The following OMA1 variants were observed in gnomAD, a reference collection of about 807,000 sequenced individuals.
OMA1 encodes metalloendopeptidase OMA1, mitochondrial.
In OMA1, 38 loss-of-function variants were observed where a neutral mutation model predicts 30.9. The observed-to-expected ratio is 1.23, with a 90% CI of 0.95 to 1.61. The LOEUF is 1.61. OMA1 is among the 40% of genes most tolerant of loss of function. OMA1 has a pLI of 0.00. For synonymous variants in OMA1, 173 were observed against 121.9 expected, an observed-to-expected ratio of 1.42 and a Z score of -2.76; for missense variants, 461 against 349.2, an observed-to-expected ratio of 1.32 and a Z score of -2.55.
intron 7 of OMA1, among the ~76,000 whole-genome samples, chr1:58,521,731 T>C (rs776450128): frequency 3.9e-5 from 6 of 152,260 alleles, no homozygotes; most frequent in Admixed American, 2.0e-4. Flanking sequence ...AAAATCTGAA[T>C]AGTTCTATAT....
At chr1:58,506,741 C>G (rs1049765774) in intron 7 of OMA1, among the ~76,000 whole-genome samples, 1 of 152,098 alleles carries the variant, frequency 6.6e-6, no homozygotes, top group African/African-American at 2.4e-5. Flanking sequence ...TTCTATGCCA[C>G]TAGAACAATC....
At chr1:58,503,681 AAGG>A (rs1189953372) in intron 8 of OMA1, among the ~76,000 whole-genome samples, 1 of 152,032 alleles carries the variant, frequency 6.6e-6, no homozygotes, top group African/African-American at 2.4e-5. Context: ...GTGAGGTTAC[AAGG>A]AGAAGATGGC....
chr1:58,489,932 C>A (rs1331667801), intron 8 of OMA1, among the ~76,000 whole-genome samples: 1 of 152,156 alleles, frequency 6.6e-6, no homozygotes, highest in African/African-American at 2.4e-5. Flanking sequence ...CACACCAAAA[C>A]CCCATCTGTA....
chr1:58,489,153 A>C (rs1338272794), intron 8 of OMA1, among the ~76,000 whole-genome samples: 3 of 152,180 alleles, frequency 2.0e-5, no homozygotes, highest in South Asian at 2.1e-4. Context: ...GCATCGTGTC[A>C]CCCGGGAAGT....
intron 7 of OMA1, among the ~76,000 whole-genome samples, chr1:58,507,724 G>A (rs1011260040): frequency 6.6e-6 from 1 of 152,042 alleles, no homozygotes; most frequent in Admixed American, 6.6e-5. Context: ...TGTAACATAT[G>A]TATCTATAAA....
chr1:58,489,716 C>CAGTACTGACACAGACTGACACCTCAG (rs1645643668), intron 8 of OMA1, among the ~76,000 whole-genome samples: 2 of 152,180 alleles, frequency 1.3e-5, no homozygotes, highest in Non-Finnish European at 2.9e-5. Flanking sequence ...TGACACCTCA[C>CAGTACTGACACAGACTGACACCTCAG]AGGGCCGGGT....
At chr1:58,506,491 T>C (rs1253679047) in intron 7 of OMA1, among the ~76,000 whole-genome samples, 1 of 152,152 alleles carries the variant, frequency 6.6e-6, no homozygotes, top group Non-Finnish European at 1.5e-5. Context: ...AACATGCCCA[T>C]TGCTTAGAAA....
chr1:58,536,847 T>C (rs1646524892), intron 2 of OMA1, 106 bp from the exon 3 acceptor site: 4 of 680,854 alleles, frequency 5.9e-6, no homozygotes, highest in Non-Finnish European at 1.0e-5. Context: ...CCTGAATTTG[T>C]ATGATGTATT....
intron 7 of OMA1, among the ~76,000 whole-genome samples, chr1:58,513,830 AT>A (rs1438356504): frequency 6.6e-6 from 1 of 152,208 alleles, no homozygotes; most frequent in Non-Finnish European, 1.5e-5. Flanking sequence ...CACTTTACAG[AT>A]TAGATGAAGA....
chr1:58,538,486 A>C (rs1042576044), intron 2 of OMA1, among the ~76,000 whole-genome samples: 7 of 149,278 alleles, frequency 4.7e-5, no homozygotes. Context: ...TGTAGTCATA[A>C]ATATAAGATT....
Position 58,531,726 on chromosome 1 carries a change from T to C in OMA1, c.1012-997A>G, listed in dbSNP as rs893730513. 2.0e-5 allele frequency among the ~76,000 whole-genome samples: 3 copies of C among 148,596 alleles called. No individual in the cohort carries two copies. The East Asian group carries it at 5.8e-4, about 29-fold the overall frequency. ...CAATTATGGATTTATCTTTTTTTTT[T>C]TGAGACAGAGTCTTGCCCTGTTGCC... On this transcript the variant is annotated intron_variant, in intron 5 of 8. Transcript: ENST00000371226.
At chr1:58,486,168 T>C (rs886884438) in intron 8 of OMA1, among the ~76,000 whole-genome samples, 3 of 152,214 alleles carry the variant, frequency 2.0e-5, no homozygotes, top group African/African-American at 7.2e-5. Flanking sequence ...TTAAAATGTC[T>C]ATGCCAAAGA....
chr1:58,488,918 T>C (rs1474280168), intron 8 of OMA1, among the ~76,000 whole-genome samples: 1 of 152,242 alleles, frequency 6.6e-6, no homozygotes, highest in Non-Finnish European at 1.5e-5. Context: ...AGTTTTATGA[T>C]CAATATTTTC....
At chr1:58,498,318 T>C (rs1645840056) in intron 8 of OMA1, among the ~76,000 whole-genome samples, 1 of 152,146 alleles carries the variant, frequency 6.6e-6, no homozygotes, top group African/African-American at 2.4e-5. Context: ...TCACCCTTGA[T>C]TTTACAACTG....
rs929551118 is a variant in OMA1, at chr1:58,493,998, T to G, written c.1365+12062A>C. On this transcript the variant is annotated intron_variant, in intron 8 of 8. Coordinates refer to ENST00000371226, the MANE Select transcript of OMA1 (RefSeq NM_145243.5). ...AAAAAGAACAAAGCTGGAGGCATCA[T>G]GCTACCTGACTTCAAACTATACTAC... is the stretch of plus-strand genomic sequence containing the variant. 4.1e-4 allele frequency among the ~76,000 whole-genome samples: 61 copies of G among 147,214 alleles called. 1 individual carries two copies. Among genetic ancestry groups the G allele is most frequent in the African/African-American group, 1.4e-3 (57 of 40,258 alleles).
At chr1:58,538,664 G>A (rs1646556114) in intron 2 of OMA1, 131 bp downstream of exon 2, 2 of 506,388 alleles carry the variant, frequency 3.9e-6, no homozygotes, top group Admixed American at 7.5e-5. Flanking sequence ...GGAGACAGGG[G>A]ATCTGGCAAG....
intron 8 of OMA1, among the ~76,000 whole-genome samples, chr1:58,498,707 TA>T (rs1167347106): frequency 6.6e-6 from 1 of 152,222 alleles, no homozygotes; most frequent in Non-Finnish European, 1.5e-5. Context: ...GAACTAGTTG[TA>T]ACATATTACA....
At chr1:58,533,012 T>G (rs1161563968) in intron 5 of OMA1, among the ~76,000 whole-genome samples, 1 of 152,252 alleles carries the variant, frequency 6.6e-6, no homozygotes, top group African/African-American at 2.4e-5. Context: ...ATGTTACTTG[T>G]ATTTCTGATT....
rs572030151 is a variant in OMA1 at position 58,542,742 on chromosome 1, C to T, written c.-16-3432G>A. Reference sequence around the variant, plus strand: ...GATAAGCTTCAGACACTTGCCCAAGCACAAGTCCTTTTCCAAATGTGCATC... The same window carrying T: ...GATAAGCTTCAGACACTTGCCCAAGTACAAGTCCTTTTCCAAATGTGCATC... On this transcript the variant is annotated intron_variant, in intron 1 of 8. Coordinates refer to ENST00000371226, the MANE Select transcript of OMA1 (RefSeq NM_145243.5). Among the ~76,000 whole-genome samples the T allele has an allele frequency of 2.6e-5, 4 of 152,312 alleles. No homozygotes were observed. The East Asian group carries it at 5.8e-4, about 22-fold the overall frequency.
Sources: gnomAD v4.1 joint callset for allele counts (sites outside exome capture counted in the v4.1 genomes callset) on GRCh38, gnomAD v4.1.1 for gene constraint, MANE v1.5 for transcripts, NCBI Gene and HGNC (gene_info 2026-07-23, HGNC 2026-07-21) for gene names.